Variants in PITPNM3 observed in about 807,000 individuals in gnomAD.
PITPNM3 encodes membrane-associated phosphatidylinositol transfer protein 3.
PITPNM3 carries 26 observed loss-of-function variants against 102.0 expected under a neutral mutation model. The ratio of observed to expected loss-of-function variants is 0.25; its 90% CI spans 0.19 to 0.35. The LOEUF (loss-of-function observed/expected upper bound fraction) is 0.35. Among genes scored for constraint, PITPNM3 ranks in the 10% least tolerant of loss-of-function variants. The pLI is 1.00. For synonymous variants in PITPNM3, 578 were observed against 558.6 expected (o/e 1.03, Z -0.49); for missense variants, 1,083 against 1,346.1 (o/e 0.80, Z 3.06).
chr17:6,496,600 T>G (rs1010978341), intron 4 of PITPNM3, among the ~76,000 whole-genome samples: 9 of 152,182 alleles, frequency 5.9e-5, no homozygotes, highest in Non-Finnish European at 1.2e-4. Flanking sequence ...TATGACTATT[T>G]GATTATTATC....
At chr17:6,506,383 T>G (rs893162088) in intron 3 of PITPNM3, among the ~76,000 whole-genome samples, 1 of 150,106 alleles carries the variant, frequency 6.7e-6, no homozygotes, top group African/African-American at 2.4e-5. Flanking sequence ...TTCTCTCTTT[T>G]TTTTTTTTTG....
intron 19 of PITPNM3, among the ~76,000 whole-genome samples, chr17:6,456,137 C>T (rs1914106541): frequency 6.6e-6 from 1 of 152,134 alleles, no homozygotes; most frequent in African/African-American, 2.4e-5. Context: ...AATACTCCAG[C>T]CTCAGCCTCC....
intron 3 of PITPNM3, among the ~76,000 whole-genome samples, chr17:6,519,471 A>T (rs926839769): frequency 1.3e-5 from 2 of 151,288 alleles, no homozygotes; most frequent in Non-Finnish European, 2.9e-5. Context: ...GTGAGCCGAG[A>T]TAGCGCCACT....
chr17:6,528,523 A>G (rs1437750603), intron 2 of PITPNM3, among the ~76,000 whole-genome samples: 1 of 139,342 alleles, frequency 7.2e-6, no homozygotes, highest in East Asian at 2.1e-4. Context: ...CATTGTGTGC[A>G]TGTGTGTACA....
chr17:6,508,708 C>T (rs978936538), intron 3 of PITPNM3, among the ~76,000 whole-genome samples: 1 of 152,204 alleles, frequency 6.6e-6, no homozygotes, highest in South Asian at 2.1e-4. Context: ...TGCAGCGCAG[C>T]CTGAGCCAGG....
Position 6,474,345 on chromosome 17 carries a change from C to T in PITPNM3, c.1258+87G>A, listed in dbSNP as rs149444052. 1.0e-3 allele frequency: 1,533 copies of T among 1,515,670 alleles called. 8 individuals carry two copies. The African/African-American group carries it at 0.018, about 18-fold the overall frequency. 93.9% of individuals were successfully genotyped at this position (1,515,670 alleles called of 1,614,324 possible). A position where few individuals can be genotyped will look rare whatever the true frequency, so the allele number is the denominator to read the frequency against. On this transcript the variant is annotated intron_variant, in intron 10 of 19. Transcript: ENST00000262483. ...CTGTGACCCTCCCTGCCCCTGTCCC[C>T]GACTTCACTCTCCTCATTCTGAGGC... is the stretch of plus-strand genomic sequence containing the variant.
At position 6,537,696 on chromosome 17, in the gene PITPNM3, C is replaced by T. The variant is rs1030928425; in HGVS notation, c.118+291G>A. 1.3e-5 allele frequency among the ~76,000 whole-genome samples: 2 copies of T among 152,234 alleles called. No homozygotes were observed. The highest frequency in any genetic ancestry group is 2.9e-5 in the Non-Finnish European group (2 of 68,042). On this transcript the variant is annotated intron_variant, in intron 2 of 19. Coordinates refer to ENST00000262483, the MANE Select transcript of PITPNM3 (RefSeq NM_031220.4). This position sits in a 1 kb window ranked among gnomAD's most constrained non-coding sequence, Gnocchi z 4.4. ...TTTTCTTGGATGTCTGCCTCTCCTG[C>T]AAGGCTATAAGTATGATGAGAGCAG...
rs148138690 is a variant in PITPNM3, at chr17:6,472,778, G to A, written c.1308C>T (p.Cys436=). Residue 436 remains cysteine, a synonymous_variant, in exon 11 of 20, where the codon TGC becomes TGT. Transcript: ENST00000262483. The surrounding 1 kb of genome is among the most constrained non-coding windows in gnomAD (Gnocchi z 4.1). ...CGAGCCGTGAGGCAGAGGGGTCTGCGCAATGGAAGAAGCTGTAGACCTGGC... is the reference window on the plus strand; with the variant it reads ...CGAGCCGTGAGGCAGAGGGGTCTGCACAATGGAAGAAGCTGTAGACCTGGC... ...ACSQVYSFFH[C]ADPSASRLEP... 21 of 1,614,004 alleles carry A rather than the reference G, an allele frequency of 1.3e-5. No individual in the cohort carries two copies. The highest frequency in any genetic ancestry group is 5.5e-5 in the South Asian group (5 of 91,086).
At chr17:6,493,970 C>T (rs1049416854) in intron 4 of PITPNM3, among the ~76,000 whole-genome samples, 5 of 152,204 alleles carry the variant, frequency 3.3e-5, no homozygotes, top group Admixed American at 6.5e-5. Context: ...TCTGCCACCA[C>T]GACACAGGGA....
Position 6,463,614 on chromosome 17 carries a change from C to T in PITPNM3, c.2306+118G>A, listed in dbSNP as rs376289360. On this transcript the variant is annotated intron_variant, in intron 17 of 19. Transcript: ENST00000262483. ...GAGGTAAAGCCAGGGCTTCTCAGCT[C>T]GCAGCCCCAGAGACCGGTAGAATTC... 29 of 1,405,442 alleles carry T rather than the reference C, an allele frequency of 2.1e-5. No homozygotes were observed. The Admixed American group carries it at 3.1e-4, about 15-fold the overall frequency. The allele number at this position is 1,405,442 out of a possible 1,614,324, so 87.1% of individuals were successfully genotyped here.
In PITPNM3 at chr17:6,556,349, G is replaced by A; in HGVS notation, c.22+36C>T. ...CTCTAGACGCGCGAGTCCCTCCCCC[G>A]GGCCCCGGCCCTGCCCTCCCCGCGC... is the stretch of plus-strand genomic sequence containing the variant. On this transcript the variant is annotated intron_variant, in intron 1 of 19. Transcript: ENST00000262483. This position sits in a 1 kb window ranked among gnomAD's most constrained non-coding sequence, Gnocchi z 5.2. 7.2e-7 allele frequency: 1 copy of A among 1,391,492 alleles called. No individual in the cohort carries two copies. Among genetic ancestry groups the A allele is most frequent in the South Asian group, 1.5e-5 (1 of 68,018 alleles). 86.2% of individuals were successfully genotyped at this position (1,391,492 alleles called of 1,614,324 possible).
rs200798736 is a variant in PITPNM3 at position 6,453,063 on chromosome 17, CCT to C, written c.*2273_*2274del. 1 of 143,892 alleles carries C rather than the reference CCT, an allele frequency of 6.9e-6. No individual in the cohort carries two copies. 8.9% of individuals were successfully genotyped at this position (143,892 alleles called of 1,614,324 possible). On this transcript the variant is annotated 3_prime_UTR_variant, in exon 20 of 20. Coordinates refer to ENST00000262483, the MANE Select transcript of PITPNM3 (RefSeq NM_031220.4). ...CTTTCTCCCTCTCTCTCTCTGCCTTCCTCTCTCTGTCTTCCTTTCTTTCCTCT... is the reference window on the plus strand; with the variant it reads ...CTTTCTCCCTCTCTCTCTCTGCCTTCCTCTCTGTCTTCCTTTCTTTCCTCT...
At chr17:6,549,026 C>T (rs1412496848) in intron 1 of PITPNM3, among the ~76,000 whole-genome samples, 1 of 152,074 alleles carries the variant, frequency 6.6e-6, no homozygotes, top group African/African-American at 2.4e-5. Context: ...ACAGGCTGAC[C>T]CTCCCAAAGA....
At position 6,457,345 on chromosome 17, in the gene PITPNM3, C is replaced by G. The variant is rs1567657556; in HGVS notation, c.2619+249G>C. Among the ~76,000 whole-genome samples, 1 of 152,216 alleles carries G rather than the reference C, an allele frequency of 6.6e-6. No individual in the cohort carries two copies. Among genetic ancestry groups the G allele is most frequent in the Admixed American group, 6.5e-5 (1 of 15,286 alleles). On this transcript the variant is annotated intron_variant, in intron 19 of 19. Transcript: ENST00000262483. This position sits in a 1 kb window ranked among gnomAD's most constrained non-coding sequence, Gnocchi z 4.7. ...TGGCACTTGTTACACTCCACTGTCA[C>G]CAACTGCAAATGTGTCCATCTCGCC... is the stretch of plus-strand genomic sequence containing the variant.
At chr17:6,532,844 TG>T (rs1437763433) in intron 2 of PITPNM3, among the ~76,000 whole-genome samples, 1 of 152,120 alleles carries the variant, frequency 6.6e-6, no homozygotes, top group Non-Finnish European at 1.5e-5. Flanking sequence ...TTGGGTCACA[TG>T]GTAGTGAAGT....
At chr17:6,546,526 T>G (rs888901297) in intron 1 of PITPNM3, among the ~76,000 whole-genome samples, 5 of 152,222 alleles carry the variant, frequency 3.3e-5, no homozygotes, top group East Asian at 3.8e-4. Context: ...GTTACAACCA[T>G]GGCCACAGGC....
chr17:6,520,850 C>T (rs762247848), intron 3 of PITPNM3, among the ~76,000 whole-genome samples: 1 of 152,160 alleles, frequency 6.6e-6, no homozygotes, highest in Non-Finnish European at 1.5e-5. Context: ...GAACGAACCT[C>T]GAAAGCATTA....
At position 6,471,272 on chromosome 17, in the gene PITPNM3, G is replaced by A. The variant is rs1310320790; in HGVS notation, c.1513C>T (p.Pro505Ser). The A allele has an allele frequency of 5.0e-6, 8 of 1,613,160 alleles. No individual in the cohort carries two copies. The highest frequency in any genetic ancestry group is 5.9e-6 in the Non-Finnish European group (7 of 1,179,910). The change falls in exon 12 of 20, where the codon CCC becomes TCC. Residue 505 changes from proline (P) to serine (S), a missense_variant. By Grantham distance (74) the Pro-to-Ser change is moderately conservative (BLOSUM62 -1). This residue lies in a region of PITPNM3 where 410 missense variants were observed against 638.4 expected (regional missense o/e 0.64). Transcript: ENST00000262483. ...SPPLLDAPASPPQASRFQRPG... is the reference protein window; with the variant it reads ...SPPLLDAPASSPQASRFQRPG... ...CGCTGGAACCTCGAGGCCTGAGGGGGCGAGGCAGGGGCATCCAGAAGTGGC... is the reference window on the plus strand; with the variant it reads ...CGCTGGAACCTCGAGGCCTGAGGGGACGAGGCAGGGGCATCCAGAAGTGGC...
intron 4 of PITPNM3, among the ~76,000 whole-genome samples, chr17:6,493,270 T>C (rs1906602741): frequency 6.6e-6 from 1 of 152,198 alleles, no homozygotes; most frequent in African/African-American, 2.4e-5. Flanking sequence ...GCTCAGGCCC[T>C]GCTGAGGGTA....
Sources: allele counts gnomAD v4.1 joint callset (sites outside exome capture counted in the v4.1 genomes callset), GRCh38; gene constraint gnomAD v4.1.1; regional missense constraint gnomAD v4.1.1; non-coding constraint Gnocchi (gnomAD v3.1); transcripts MANE v1.5; gene names NCBI Gene and HGNC (gene_info 2026-07-23, HGNC 2026-07-21).